The following SGSM2 variants were observed in gnomAD, a reference collection of about 807,000 sequenced individuals.
SGSM2 encodes small G protein signaling modulator 2.
SGSM2 carries 89 observed loss-of-function variants against 126.6 expected under a neutral mutation model. The observed-to-expected ratio is 0.70, with a 90% CI of 0.59 to 0.84. The LOEUF (loss-of-function observed/expected upper bound fraction) is 0.84, where lower values mean the gene tolerates loss of function less well. Ranked by LOEUF, SGSM2 falls within the 40% of genes least tolerant of loss-of-function variation. The pLI, the probability that SGSM2 is intolerant of heterozygous loss-of-function variation, is 0.00. For missense variants in SGSM2, 1,404 were observed against 1,416.6 expected, an observed-to-expected ratio of 0.99 and a Z score of 0.14; for synonymous variants, 614 against 574.3, an observed-to-expected ratio of 1.07 and a Z score of -0.99.
intron 1 of SGSM2, among the ~76,000 whole-genome samples, chr17:2,340,533 A>G (rs1390964372): frequency 6.6e-6 from 1 of 152,110 alleles, no homozygotes; most frequent in East Asian, 1.9e-4. Context: ...CATTCCTGAC[A>G]AAAGTTGACC....
intron 1 of SGSM2, among the ~76,000 whole-genome samples, chr17:2,338,601 G>A (rs2064195632): frequency 6.6e-6 from 1 of 151,954 alleles, no homozygotes; most frequent in South Asian, 2.1e-4. Context: ...GAGACCCTCT[G>A]TTTTGTCCAC....
rs868285223 is a variant in SGSM2 at position 2,337,563 on chromosome 17, G to T, written c.-126G>T. On this transcript the variant is annotated 5_prime_UTR_variant, in exon 1 of 24. Transcript: ENST00000268989. The surrounding 1 kb of genome is among the most constrained non-coding windows in gnomAD (Gnocchi z 5.1). The stretch of plus-strand genomic sequence containing the variant: ...GGGCAGTGGCTGCGGCGGCGGCGGC[G>T]GCGGCGGGCCGGGAGCGCGGCGGGC... 9.1e-6 allele frequency: 4 copies of T among 439,756 alleles called. No individual in the cohort carries two copies. In the South Asian group the frequency reaches 3.7e-4, roughly 40 times the overall value. The allele number at this position is 439,756 out of a possible 1,614,324, so 27.2% of individuals were successfully genotyped here.
At chr17:2,346,958 G>A (rs2151490984) in intron 2 of SGSM2, among the ~76,000 whole-genome samples, 1 of 152,154 alleles carries the variant, frequency 6.6e-6, no homozygotes, top group Admixed American at 6.5e-5. Context: ...GCATGGTGGT[G>A]CACGCCTGTA....
intron 2 of SGSM2, among the ~76,000 whole-genome samples, chr17:2,354,827 A>G (rs896433411): frequency 9.9e-5 from 15 of 151,804 alleles, no homozygotes; most frequent in Non-Finnish European, 1.9e-4. Context: ...TGGTGAAATC[A>G]GTGTGTAAGG....
intron 2 of SGSM2, among the ~76,000 whole-genome samples, chr17:2,354,215 T>TTTTGTTTGTTTTGTTTG (rs1555596808): frequency 6.6e-6 from 1 of 151,572 alleles, no homozygotes; most frequent in Non-Finnish European, 1.5e-5. Flanking sequence ...CCTAGAGTTT[T>TTTTGTTTGTTTTGTTTG]TTTGTTTGTT....
Position 2,337,756 on chromosome 17 carries a change from G to A in SGSM2, c.57+11G>A. On this transcript the variant is annotated intron_variant, in intron 1 of 23. Transcript: ENST00000268989. This position sits in a 1 kb window ranked among gnomAD's most constrained non-coding sequence, Gnocchi z 5.1. ...AACGTGAAGAAGGAGGTAAAGTCGA[G>A]TCAAGAACCCCGGGGGGCTCGCGCC... is the stretch of plus-strand genomic sequence containing the variant. 1 of 1,525,538 alleles carries A rather than the reference G, an allele frequency of 6.6e-7. No homozygotes were observed. The highest frequency in any genetic ancestry group is 1.2e-5 in the South Asian group (1 of 82,890). 94.5% of individuals were successfully genotyped at this position (1,525,538 alleles called of 1,614,324 possible).
rs117444368 is a variant in SGSM2, at chr17:2,365,778, G to A, written c.1288+437G>A. ...TTTTTTTTTTTTGAGACGACGTCTC[G>A]CTCTTTTACCCAGGCTGGAGTTTAA... On this transcript the variant is annotated intron_variant, in intron 11 of 23. Transcript: ENST00000268989. 7.4e-3 allele frequency among the ~76,000 whole-genome samples: 1,004 copies of A among 135,022 alleles called. 53 individuals are homozygous for A. In the East Asian group the frequency reaches 0.1, roughly 14 times the overall value. The allele number at this position is 135,022 out of a possible 152,430, so 88.6% of individuals were successfully genotyped here.
In SGSM2 at chr17:2,372,422, C is replaced by A. The variant is rs750062719; in HGVS notation, c.1722C>A (p.Asp574Glu). The A allele has an allele frequency of 3.1e-6, 5 of 1,599,454 alleles. No homozygotes were observed. Among genetic ancestry groups the A allele is most frequent in the East Asian group, 2.3e-5 (1 of 44,362 alleles). The change falls in exon 15 of 24, where the codon GAC (aspartate) becomes GAA (glutamate). Residue 574 changes from aspartate to glutamate, a missense_variant. Coordinates refer to ENST00000268989, the MANE Select transcript of SGSM2 (RefSeq NM_014853.3). The surrounding 1 kb of genome is among the most constrained non-coding windows in gnomAD (Gnocchi z 6.0). ...TGCACCATAGCGTTATCCCACCTGA[C>A]CGGCCCCCGGGGGCCTCCGCGGGCC... Reference protein sequence around the residue: ...ALVHHSVIPPDRPPGASAGLT... With the variant: ...ALVHHSVIPPERPPGASAGLT...
chr17:2,365,124 C>A lies in SGSM2; in HGVS notation c.1161+67C>A, dbSNP rs2065499067. The A allele has an allele frequency of 1.2e-5, 19 of 1,597,092 alleles. 1 individual carries two copies. In the South Asian group the frequency reaches 1.9e-4, roughly 16 times the overall value. On this transcript the variant is annotated intron_variant, in intron 10 of 23. Transcript: ENST00000268989. ...GGTTCTCTGCCCGCCTCCCTTCCTT[C>A]CCCACGTGGAGTTCTTAGGAGCGGC...
rs889015155 is a variant in SGSM2, at chr17:2,363,809, C to T, written c.807+210C>T. On this transcript the variant is annotated intron_variant, in intron 7 of 23. Transcript: ENST00000268989. This position sits in a 1 kb window ranked among gnomAD's most constrained non-coding sequence, Gnocchi z 4.2. Reference sequence around the variant, plus strand: ...TGGCAGCCAGCAGGCGAGGGGAGTCCGCAGTGTGGGTATGGCTGGCCTGGA... The same window carrying T: ...TGGCAGCCAGCAGGCGAGGGGAGTCTGCAGTGTGGGTATGGCTGGCCTGGA... 33 of 841,926 alleles carry T rather than the reference C, an allele frequency of 3.9e-5. No homozygotes were observed. The highest frequency in any genetic ancestry group is 1.4e-4 in the South Asian group (8 of 56,354). 52.2% of individuals were successfully genotyped at this position (841,926 alleles called of 1,614,324 possible).
Position 2,373,339 on chromosome 17 carries a change from A to G in SGSM2, c.1926A>G (p.Ala642=), listed in dbSNP as rs183213124. The change falls in exon 17 of 24, where the codon GCA becomes GCG. Residue 642 remains alanine (A), a synonymous_variant. Coordinates refer to ENST00000268989, the MANE Select transcript of SGSM2 (RefSeq NM_014853.3). ...GTGTGGTCTGAGTACAGGTGGACGC[A>G]GTGGTGGCAGCAAGGTACCAGCAGG... is the stretch of plus-strand genomic sequence containing the variant. ...MSKKEMEQVD[A]VVAARYQQVL... 893 of 1,612,306 alleles carry G rather than the reference A, an allele frequency of 5.5e-4. 9 individuals are homozygous for G. The East Asian group carries it at 0.014, about 26-fold the overall frequency.
At chr17:2,349,965 T>C (rs1479951781) in intron 2 of SGSM2, among the ~76,000 whole-genome samples, 4 of 152,024 alleles carry the variant, frequency 2.6e-5, no homozygotes, top group Non-Finnish European at 5.9e-5. Context: ...TTTTTTGTAT[T>C]TTTAGTAGAC....
At chr17:2,347,817 G>C (rs940952747) in intron 2 of SGSM2, among the ~76,000 whole-genome samples, 1 of 152,116 alleles carries the variant, frequency 6.6e-6, no homozygotes, top group Non-Finnish European at 1.5e-5. Context: ...CACTGAGTTT[G>C]CATTTTAACC....
At chr17:2,352,496 C>A (rs1434927454) in intron 2 of SGSM2, among the ~76,000 whole-genome samples, 1 of 152,178 alleles carries the variant, frequency 6.6e-6, no homozygotes. Context: ...TCCTCCCATT[C>A]CCAACTCCGG....
rs749518219 is a variant in SGSM2 at position 2,376,966 on chromosome 17, G to T, written c.2700G>T (p.Leu900=). 1.2e-6 allele frequency: 2 copies of T among 1,613,152 alleles called. No homozygotes were observed. Among genetic ancestry groups the T allele is most frequent in the Non-Finnish European group, 8.5e-7 (1 of 1,179,526 alleles). The change falls in exon 21 of 24, where the codon CTG becomes CTT. Residue 900 remains leucine (L), a synonymous_variant. Transcript: ENST00000268989. Reference sequence around the variant, plus strand: ...ACTCCTGTCTCCCCTCAGATCAGCTGGCCTACAGCTGCTTCAGCCACCTCA... The same window carrying T: ...ACTCCTGTCTCCCCTCAGATCAGCTTGCCTACAGCTGCTTCAGCCACCTCA... The part of the protein sequence containing the change: ...PLLVTLDNDQ[L]AYSCFSHLMK...
intron 3 of SGSM2, 101 bp downstream of exon 3, chr17:2,361,900 G>C (rs892300739): frequency 7.0e-7 from 1 of 1,435,646 alleles, no homozygotes; most frequent in African/African-American, 1.4e-5. Flanking sequence ...TCCTGGGCCT[G>C]TTCCTTGCAG....
chr17:2,364,104 T>C lies in SGSM2; in HGVS notation c.853T>C (p.Ser285Pro), dbSNP rs763373776. Residue 285 changes from serine (S) to proline (P), a missense_variant, in exon 8 of 24, where the codon TCT becomes CCT. Transcript: ENST00000268989. ...CCCTGGCTACCTCTCCCTGCACCAG[T>C]CTGCAGAGAGCCTGACTCTGAAGTG... is the stretch of plus-strand genomic sequence containing the variant. ...AVPGYLSLHQ[S>P]AESLTLKWTP... is the part of the protein sequence containing the mutation. 6.2e-7 allele frequency: 1 copy of C among 1,613,898 alleles called. No individual in the cohort carries two copies. The highest frequency in any genetic ancestry group is 1.7e-5 in the Admixed American group (1 of 60,010).
intron 1 of SGSM2, among the ~76,000 whole-genome samples, chr17:2,338,750 C>G (rs2064202057): frequency 7.3e-6 from 1 of 137,488 alleles, no homozygotes; most frequent in Non-Finnish European, 1.6e-5. Flanking sequence ...TCTGTGTGAC[C>G]TTGAGTCTCT....
chr17:2,346,697 G>C (rs1357460918), intron 2 of SGSM2, among the ~76,000 whole-genome samples: 2 of 152,042 alleles, frequency 1.3e-5, no homozygotes, highest in African/African-American at 4.8e-5. Context: ...GGGGTGGGTG[G>C]GGTTCTCTGT....
Sources: gnomAD v4.1 joint callset for allele counts (sites outside exome capture counted in the v4.1 genomes callset) on GRCh38, gnomAD v4.1.1 for gene constraint, Gnocchi (gnomAD v3.1) non-coding constraint, MANE v1.5 for transcripts, NCBI Gene and HGNC (gene_info 2026-07-23, HGNC 2026-07-21) for gene names.